The following MYBPC2 variants were observed in gnomAD, a reference collection of about 807,000 sequenced individuals.
The protein encoded by MYBPC2 is myosin-binding protein C, fast-type.
MYBPC2 carries 122 observed loss-of-function variants against 137.0 expected under a neutral mutation model. The observed-to-expected ratio is 0.89, with a 90% CI of 0.77 to 1.03. The LOEUF (loss-of-function observed/expected upper bound fraction) is 1.03. Ranked by LOEUF, MYBPC2 falls within the 50% of genes least tolerant of loss-of-function variation. MYBPC2 has a pLI of 0.00. For missense variants in MYBPC2, 1,500 were observed against 1,534.4 expected (o/e 0.98, Z 0.37); for synonymous variants, 626 against 612.3 (o/e 1.02, Z -0.33).
At chr19:50,437,614 T>G in intron 6 of MYBPC2, 45 bp from the exon 7 acceptor site, 3 of 1,592,292 alleles carry the variant, frequency 1.9e-6, no homozygotes, top group Non-Finnish European at 2.6e-6. Flanking sequence ...AGGCAAGGGG[T>G]GAATCTGAAG....
chr19:50,461,004 A>C (rs995369344), intron 24 of MYBPC2, among the ~76,000 whole-genome samples: 4 of 120,982 alleles, frequency 3.3e-5, no homozygotes, highest in Non-Finnish European at 6.8e-5. Flanking sequence ...ATTTCTTTTA[A>C]ATTTTTTTTT....
At chr19:50,452,442 ATCTG>A (rs111995150) in intron 16 of MYBPC2, among the ~76,000 whole-genome samples, 14,182 of 150,668 alleles carry the variant, frequency 0.094, 892 homozygotes, top group African/African-American at 0.18. Flanking sequence ...TAATCTATCT[ATCTG>A]TCTATCTATC....
chr19:50,437,162 G>T (rs968444059), intron 5 of MYBPC2, among the ~76,000 whole-genome samples: 7 of 152,156 alleles, frequency 4.6e-5, no homozygotes, highest in Non-Finnish European at 7.4e-5. Context: ...GGGGTCTGCA[G>T]CCCAGAATGT....
Position 50,435,723 on chromosome 19 carries a change from C to G in MYBPC2, c.110-53C>G. 6.8e-7 allele frequency: 1 copy of G among 1,478,286 alleles called. No homozygotes were observed. The highest frequency in any genetic ancestry group is 9.2e-7 in the Non-Finnish European group (1 of 1,086,820). The allele number at this position is 1,478,286 out of a possible 1,614,324, so 91.6% of individuals were successfully genotyped here. A position where few individuals can be genotyped will look rare whatever the true frequency, so the allele number is the denominator to read the frequency against. On this transcript the variant is annotated intron_variant, in intron 2 of 27. Transcript: ENST00000357701. This position sits in a 1 kb window ranked among gnomAD's most constrained non-coding sequence, Gnocchi z 4.8. The stretch of plus-strand genomic sequence containing the variant: ...TCCTTTCCCCAAAGCGGCCCACTGT[C>G]CCCTCCCCAGCCTATCTCAGACCTC...
intron 20 of MYBPC2, 100 bp from the exon 21 acceptor site, chr19:50,458,487 T>C (rs1048289007): frequency 1.4e-6 from 2 of 1,420,180 alleles, no homozygotes; most frequent in East Asian, 2.4e-5. Flanking sequence ...ACTTACTCAG[T>C]GCTCACTCGC....
chr19:50,455,965 C>T (rs920176472), intron 20 of MYBPC2, among the ~76,000 whole-genome samples: 1 of 152,184 alleles, frequency 6.6e-6, no homozygotes, highest in Non-Finnish European at 1.5e-5. Context: ...TCTAACCAAT[C>T]TTTCCTTCAT....
chr19:50,445,817 C>T, intron 11 of MYBPC2, 63 bp from the exon 12 acceptor site: 1 of 1,506,806 alleles, frequency 6.6e-7, no homozygotes. Context: ...GACTGACTCT[C>T]CAAGACCCAG....
At chr19:50,453,399 G>A (rs747652995) in intron 16 of MYBPC2, among the ~76,000 whole-genome samples, 2 of 152,224 alleles carry the variant, frequency 1.3e-5, no homozygotes, top group Non-Finnish European at 2.9e-5. Context: ...ATCCAGGAAG[G>A]CTTCCTGGAA....
In MYBPC2 at chr19:50,450,929, T is replaced by G; in HGVS notation, c.1573T>G (p.Phe525Val). 6.4e-7 allele frequency: 1 copy of G among 1,564,142 alleles called. No individual in the cohort carries two copies. The highest frequency in any genetic ancestry group is 1.9e-5 in the Admixed American group (1 of 52,540). Residue 525 changes from phenylalanine (F) to valine (V), a missense_variant, in exon 14 of 28, where the codon TTC becomes GTC. Coordinates refer to ENST00000357701, the MANE Select transcript of MYBPC2 (RefSeq NM_004533.4). ...YALSLSAKLNFLEIKVEYVPK... is the reference protein window; with the variant it reads ...YALSLSAKLNVLEIKVEYVPK... The stretch of plus-strand genomic sequence containing the variant: ...CCTGTCGCTCTCGGCCAAGCTCAAC[T>G]TCCTGGGTGAGGATGCCCCTTCCTC...
intron 11 of MYBPC2, among the ~76,000 whole-genome samples, chr19:50,445,371 T>C (rs2039794044): frequency 6.6e-6 from 1 of 151,010 alleles, no homozygotes; most frequent in South Asian, 2.1e-4. Context: ...GGCCTGTGAC[T>C]TCCTCCTCTC....
chr19:50,466,165 T>A lies in MYBPC2; in HGVS notation c.3416-30T>A. 6.2e-6 allele frequency: 10 copies of A among 1,613,560 alleles called. No homozygotes were observed. The highest frequency in any genetic ancestry group is 7.6e-6 in the Non-Finnish European group (9 of 1,179,828). ...CTTCAGGAGGAGGCGTGCCCGGGCC[T>A]GGCTCACCCGCTTTCTCGTTTTCCT... On this transcript the variant is annotated intron_variant, in intron 27 of 27. Transcript: ENST00000357701. This position sits in a 1 kb window ranked among gnomAD's most constrained non-coding sequence, Gnocchi z 4.9.
At chr19:50,442,368 G>A in intron 9 of MYBPC2, 55 bp downstream of exon 9, 5 of 1,579,684 alleles carry the variant, frequency 3.2e-6, no homozygotes, top group Middle Eastern at 1.7e-4. Flanking sequence ...CAGAGAGAAC[G>A]CCCGGAGACA....
Position 50,461,592 on chromosome 19 carries a change from C to G in MYBPC2, c.2982C>G (p.Ser994=). Residue 994 remains serine, a synonymous_variant, in exon 25 of 28, where the codon TCC becomes TCG. Transcript: ENST00000357701. ...ACAGGCACACTAGCTGTACTGTGTC[C>G]GACCTTATCGTGGGCAATGAATACT... is the stretch of plus-strand genomic sequence containing the variant. ...ERNRHTSCTV[S]DLIVGNEYYF... is the part of the protein sequence containing the mutation. The G allele has an allele frequency of 1.2e-6, 2 of 1,613,736 alleles. No homozygotes were observed. The highest frequency in any genetic ancestry group is 1.7e-6 in the Non-Finnish European group (2 of 1,179,856).
At chr19:50,445,009 G>A (rs2039791548) in intron 11 of MYBPC2, among the ~76,000 whole-genome samples, 1 of 152,074 alleles carries the variant, frequency 6.6e-6, no homozygotes, top group Non-Finnish European at 1.5e-5. Context: ...AAAGAGATAG[G>A]CATTAGTCAA....
In MYBPC2 at chr19:50,459,271, T is replaced by C. The variant is rs1398556846; in HGVS notation, c.2756T>C (p.Met919Thr). Residue 919 changes from methionine (M) to threonine (T), a missense_variant, in exon 23 of 28, where the codon ATG becomes ACG. Coordinates refer to ENST00000357701, the MANE Select transcript of MYBPC2 (RefSeq NM_004533.4). ...EYELSVQIEN[M>T]KDTATIRIRV... ...GAGCTGAGCGTGCAGATCGAGAACA[T>C]GAAGGACACCGCCACCATCCGCATC... is the stretch of plus-strand genomic sequence containing the variant. 1.2e-6 allele frequency: 2 copies of C among 1,608,232 alleles called. No individual in the cohort carries two copies.
rs573334192 is a variant in MYBPC2 at position 50,456,435 on chromosome 19, CTT to C, written c.2338+805_2338+806del. Among the ~76,000 whole-genome samples the C allele has an allele frequency of 6.8e-5, 9 of 132,354 alleles. No homozygotes were observed. The South Asian group carries it at 7.0e-4, about 10-fold the overall frequency. The allele number at this position is 132,354 out of a possible 152,430, so 86.8% of individuals were successfully genotyped here. On this transcript the variant is annotated intron_variant, in intron 20 of 27. Transcript: ENST00000357701. ...ATATTTCCTTCGTTTCTCTCTCTCT[CTT>C]TTTTTTTTTTTTTGAGACAGAGTCT... is the stretch of plus-strand genomic sequence containing the variant.
rs1023713036 is a variant in MYBPC2, at chr19:50,465,465, G to C, written c.3416-730G>C. The stretch of plus-strand genomic sequence containing the variant: ...GGACTTCCAGAGTCCCTCCCGGATG[G>C]TGACTTCTGACCTCTGACTTCCCTG... On this transcript the variant is annotated intron_variant, in intron 27 of 27. Transcript: ENST00000357701. The surrounding 1 kb of genome is among the most constrained non-coding windows in gnomAD (Gnocchi z 4.5). 6.6e-6 allele frequency among the ~76,000 whole-genome samples: 1 copy of C among 152,172 alleles called. No individual in the cohort carries two copies. The highest frequency in any genetic ancestry group is 2.4e-5 in the African/African-American group (1 of 41,450).
intron 7 of MYBPC2, 109 bp downstream of exon 7, chr19:50,437,827 T>C (rs1301334425): frequency 8.0e-7 from 1 of 1,247,724 alleles, no homozygotes; most frequent in Admixed American, 2.0e-5. Context: ...CTTATCCCTC[T>C]ACCACCTCCA....
chr19:50,456,597 ATT>A (rs201042875), intron 20 of MYBPC2, among the ~76,000 whole-genome samples: 4 of 146,758 alleles, frequency 2.7e-5, no homozygotes, highest in African/African-American at 1.0e-4. Context: ...TGCCCAGCTA[ATT>A]TTTTTTTTTT....
Sources: allele counts gnomAD v4.1 joint callset (sites outside exome capture counted in the v4.1 genomes callset), GRCh38; gene constraint gnomAD v4.1.1; non-coding constraint Gnocchi (gnomAD v3.1); transcripts MANE v1.5; gene names NCBI Gene and HGNC (gene_info 2026-07-23, HGNC 2026-07-21).